The following LMLN variants were observed in gnomAD, a reference collection of about 807,000 sequenced individuals.
LMLN encodes the protein leishmanolysin like peptidase, also known as leishmanolysin-like peptidase.
LMLN carries 70 observed loss-of-function variants against 92.3 expected under a neutral mutation model. That is an observed-to-expected ratio of 0.76 (90% CI 0.63 to 0.92). LMLN has a LOEUF of 0.92. Ranked by LOEUF, LMLN falls within the 40% of genes least tolerant of loss-of-function variation. The pLI, the probability that LMLN is intolerant of heterozygous loss-of-function variation, is 0.00. For synonymous variants in LMLN, 308 were observed against 296.2 expected, an observed-to-expected ratio of 1.04 and a Z score of -0.41; for missense variants, 691 against 814.6, an observed-to-expected ratio of 0.85 and a Z score of 1.85.
chr3:197,965,680 C>T lies in LMLN; in HGVS notation c.219+5240C>T, dbSNP rs368609137. 1.2e-4 allele frequency among the ~76,000 whole-genome samples: 19 copies of T among 152,106 alleles called. No homozygotes were observed. The East Asian group carries it at 1.5e-3, about 12-fold the overall frequency. On this transcript the variant is annotated intron_variant, in intron 1 of 15. Coordinates refer to ENST00000330198, the Ensembl canonical transcript of LMLN. ...CTATAAGTCTAGCTCTTTTGGAGGC[C>T]GGGATGGCAAATCGCTTGAGCTCAG... is the stretch of plus-strand genomic sequence containing the variant.
intron 6 of LMLN, among the ~76,000 whole-genome samples, chr3:197,982,832 C>T (rs112088570): frequency 2.6e-5 from 4 of 152,204 alleles, no homozygotes; most frequent in African/African-American, 7.2e-5. Context: ...GAAAGTGAAA[C>T]GTTAGCTGCA....
chr3:197,960,503 A>C lies in LMLN; in HGVS notation c.219+63A>C. The C allele has an allele frequency of 7.5e-6, 11 of 1,472,376 alleles. No individual in the cohort carries two copies. In the South Asian group the frequency reaches 1.3e-4, roughly 18 times the overall value. 91.2% of individuals were successfully genotyped at this position (1,472,376 alleles called of 1,614,324 possible). A position where few individuals can be genotyped will look rare whatever the true frequency, so the allele number is the denominator to read the frequency against. On this transcript the variant is annotated intron_variant, in intron 1 of 15. Transcript: ENST00000330198. The stretch of plus-strand genomic sequence containing the variant: ...AAAGTCACCCAGAAGGAGCAGGCGT[A>C]GGAGATAGTGACTGGGAGAAGGTGT...
intron 14 of LMLN, among the ~76,000 whole-genome samples, chr3:198,032,914 G>A (rs9875787): frequency 0.3 from 45,663 of 152,086 alleles, 11,351 homozygotes; most frequent in African/African-American, 0.69. Flanking sequence ...ACAGACGTTT[G>A]TCTAATCCTT....
intron 3 of LMLN, among the ~76,000 whole-genome samples, chr3:197,975,392 G>A (rs890792047): frequency 1.3e-5 from 2 of 152,176 alleles, no homozygotes; most frequent in African/African-American, 4.8e-5. Flanking sequence ...TGACAACACT[G>A]TTCTCTTGGT....
intron 14 of LMLN, among the ~76,000 whole-genome samples, chr3:198,027,229 C>T (rs749548600): frequency 7.2e-5 from 11 of 152,098 alleles, no homozygotes; most frequent in Admixed American, 1.3e-4. Context: ...GCCAACTCTG[C>T]GTGACCTCCC....
chr3:198,019,597 A>G lies in LMLN; in HGVS notation c.1365+212A>G, dbSNP rs1438702323. On this transcript the variant is annotated intron_variant, in intron 12 of 15. Coordinates refer to ENST00000330198, the Ensembl canonical transcript of LMLN. The surrounding 1 kb of genome is among the most constrained non-coding windows in gnomAD (Gnocchi z 5.5). ...TAAAATCTAGCAGTGTCTTATAATA[A>G]TGGCAAGAATAATTTGAATATTTGA... is the stretch of plus-strand genomic sequence containing the variant. Among the ~76,000 whole-genome samples, 2 of 152,254 alleles carry G rather than the reference A, an allele frequency of 1.3e-5. No homozygotes were observed. The highest frequency in any genetic ancestry group is 2.9e-5 in the Non-Finnish European group (2 of 68,044).
chr3:197,980,705 G>T, intron 6 of LMLN: 1 of 447,868 alleles, frequency 2.2e-6, no homozygotes, highest in African/African-American at 2.0e-5. Flanking sequence ...CAAGTTTTTA[G>T]TCAAAGTGAA....
intron 1 of LMLN, among the ~76,000 whole-genome samples, chr3:197,973,664 G>A (rs1272292570): frequency 6.6e-6 from 1 of 152,196 alleles, no homozygotes; most frequent in Admixed American, 6.5e-5. Context: ...CAGGCAATAC[G>A]TATTGTGAAA....
chr3:197,997,339 G>T (rs1193024955), intron 10 of LMLN, among the ~76,000 whole-genome samples: 1 of 152,038 alleles, frequency 6.6e-6, no homozygotes, highest in African/African-American at 2.4e-5. Context: ...TCACCATGTT[G>T]CCCAGGCTGA....
rs1186536504 is a variant in LMLN, at chr3:197,980,476, T to C, written c.700T>C (p.Tyr234His). ...TGAAAACATCATCTCTTATGCAGCC[T>C]ATTGTCAGCAGGAAGCAAACATGGA... Residue 234 changes from tyrosine to histidine, a missense_variant, in exon 6 of 16, where the codon TAT (tyrosine) becomes CAT (histidine). Transcript: ENST00000330198. 1.9e-6 allele frequency: 3 copies of C among 1,613,884 alleles called. No individual in the cohort carries two copies. In the South Asian group the frequency reaches 3.3e-5, roughly 18 times the overall value.
intron 11 of LMLN, 136 bp from the exon 12 acceptor site, chr3:198,002,879 T>G (rs1307356688): frequency 1.8e-6 from 1 of 569,152 alleles, no homozygotes; most frequent in African/African-American, 1.9e-5. Context: ...GAGTGATCAC[T>G]TACAGTGATG....
intron 6 of LMLN, 46 bp downstream of exon 6, chr3:197,980,550 C>T (rs1175271844): frequency 6.5e-7 from 1 of 1,544,622 alleles, no homozygotes; most frequent in African/African-American, 1.4e-5. Flanking sequence ...AATGTGGGAA[C>T]TCTTAAAGCA....
At chr3:198,013,428 C>T (rs1722511617) in intron 11 of LMLN, among the ~76,000 whole-genome samples, 1 of 130,318 alleles carries the variant, frequency 7.7e-6, no homozygotes, top group Non-Finnish European at 1.6e-5. Context: ...TTCTCTCCAC[C>T]CTTCAGAGCC....
chr3:198,025,287 G>GAATT lies in LMLN; in HGVS notation c.1656+502_1656+503insTAAT, dbSNP rs10644845. Among the ~76,000 whole-genome samples, 152,293 of 152,334 alleles carry GAATT rather than the reference G, an allele frequency of 1. 76,127 individuals carry two copies. The highest frequency in any genetic ancestry group is 1 in the Middle Eastern group (294 of 294). On this transcript the variant is annotated intron_variant, in intron 14 of 15. Coordinates refer to ENST00000330198, the Ensembl canonical transcript of LMLN. This position sits in a 1 kb window ranked among gnomAD's most constrained non-coding sequence, Gnocchi z 4.3. ...CTGTCTCCAAAAAATAAAGGAAAAAGAATAAATCAGTTGCTGATTAATAAT... is the reference window on the plus strand; with the variant it reads ...CTGTCTCCAAAAAATAAAGGAAAAAGAATTAATAAATCAGTTGCTGATTAATAAT...
At chr3:197,994,518 C>T (rs549420246) in intron 9 of LMLN, 18 of 152,164 alleles carry the variant, frequency 1.2e-4, no homozygotes, top group Non-Finnish European at 2.4e-4. Flanking sequence ...CTCAACATTA[C>T]TAATCCTTAG....
intron 11 of LMLN, among the ~76,000 whole-genome samples, chr3:198,013,103 G>A (rs1418204225): frequency 1.4e-5 from 2 of 139,312 alleles, no homozygotes; most frequent in African/African-American, 2.9e-5. Flanking sequence ...ACCCTTCAGA[G>A]CCCCCTAACT....
intron 8 of LMLN, among the ~76,000 whole-genome samples, chr3:197,987,286 A>C (rs1229837931): frequency 1.3e-5 from 2 of 151,218 alleles, no homozygotes; most frequent in Non-Finnish European, 2.9e-5. Flanking sequence ...CAGCCTCCCA[A>C]GTAGCTGGGA....
exon 13 of LMLN, chr3:198,021,536 G>A: frequency 6.2e-7 from 1 of 1,614,116 alleles, no homozygotes; most frequent in Non-Finnish European, 8.5e-7. Flanking sequence ...TTTCAGTCAG[G>A]AATTCAGTTG....
In LMLN at chr3:198,019,983, C is replaced by G. The variant is rs1284215802; in HGVS notation, c.1365+598C>G. Among the ~76,000 whole-genome samples the G allele has an allele frequency of 6.6e-6, 1 of 152,170 alleles. No homozygotes were observed. Among genetic ancestry groups the G allele is most frequent in the Non-Finnish European group, 1.5e-5 (1 of 68,038 alleles). On this transcript the variant is annotated intron_variant, in intron 12 of 15. Transcript: ENST00000330198. This position sits in a 1 kb window ranked among gnomAD's most constrained non-coding sequence, Gnocchi z 5.5. ...TCAAGCGATTCTTGTGCCTCAGCCT[C>G]CCGAGTAGCTGGGTTTACAGCTGCA...
Sources: gnomAD v4.1 joint callset for allele counts (sites outside exome capture counted in the v4.1 genomes callset) on GRCh38, gnomAD v4.1.1 for gene constraint, Gnocchi (gnomAD v3.1) non-coding constraint, MANE v1.5 for transcripts, NCBI Gene and HGNC (gene_info 2026-07-23, HGNC 2026-07-21) for gene names.